Variants in CPEB3 observed in about 807,000 individuals in gnomAD.
CPEB3 encodes cytoplasmic polyadenylation element binding protein 3, also known as cytoplasmic polyadenylation element-binding protein 3.
Under a neutral mutation model 67.2 loss-of-function variants are expected in CPEB3, and 20 were observed. The ratio of observed to expected loss-of-function variants is 0.30; its 90% confidence interval spans 0.21 to 0.43. CPEB3 has a LOEUF of 0.43. CPEB3 is among the 20% of genes least tolerant of loss of function. CPEB3 has a pLI of 1.00. For synonymous variants in CPEB3, 376 were observed against 393.1 expected (o/e 0.96, Z 0.51); for missense variants, 746 against 968.6 (o/e 0.77, Z 3.05).
chr10:92,190,598 C>G (rs141830407), intron 3 of CPEB3, among the ~76,000 whole-genome samples: 35 of 137,450 alleles, frequency 2.5e-4, no homozygotes, highest in South Asian at 7.2e-4. Context: ...CCATGAGGCA[C>G]ACGTTGTGGT....
intron 6 of CPEB3, among the ~76,000 whole-genome samples, chr10:92,122,577 G>C (rs1259254739): frequency 2.0e-5 from 3 of 152,192 alleles, no homozygotes; most frequent in African/African-American, 7.2e-5. Context: ...TTGTTCTTAA[G>C]GAGTTTATAT....
At chr10:92,273,514 A>G (rs1853391632) in intron 1 of CPEB3, among the ~76,000 whole-genome samples, 1 of 152,152 alleles carries the variant, frequency 6.6e-6, no homozygotes, top group Non-Finnish European at 1.5e-5. Flanking sequence ...GAGGAAGACT[A>G]CTTATGCTGA....
At chr10:92,133,811 T>G (rs969845099) in intron 6 of CPEB3, among the ~76,000 whole-genome samples, 3 of 152,272 alleles carry the variant, frequency 2.0e-5, no homozygotes, top group Middle Eastern at 3.4e-3. Flanking sequence ...AAAAAGCTTA[T>G]CCACCATGAT....
intron 3 of CPEB3, among the ~76,000 whole-genome samples, chr10:92,186,096 G>A (rs1848675793): frequency 6.6e-6 from 1 of 151,562 alleles, no homozygotes; most frequent in African/African-American, 2.4e-5. Context: ...CCAGCCTGGT[G>A]TGCACTGGTT....
intron 9 of CPEB3, among the ~76,000 whole-genome samples, chr10:92,081,027 G>A (rs899640585): frequency 2.0e-5 from 3 of 152,148 alleles, no homozygotes; most frequent in African/African-American, 7.2e-5. Context: ...CTCCACCTCT[G>A]CTAACATACT....
At chr10:92,192,340 A>T in intron 3 of CPEB3, 137 bp downstream of exon 3, 3 of 797,654 alleles carry the variant, frequency 3.8e-6, no homozygotes, top group Non-Finnish European at 5.9e-6. Flanking sequence ...AATCAACTTT[A>T]AATACATTCC....
intron 4 of CPEB3, among the ~76,000 whole-genome samples, chr10:92,180,636 G>A (rs1005196774): frequency 6.6e-6 from 1 of 152,214 alleles, no homozygotes; most frequent in East Asian, 1.9e-4. Context: ...CAGAGCTATA[G>A]TTTGCCAACC....
intron 6 of CPEB3, among the ~76,000 whole-genome samples, chr10:92,125,523 G>C (rs1845571841): frequency 6.6e-6 from 1 of 152,174 alleles, no homozygotes; most frequent in African/African-American, 2.4e-5. Context: ...GCAGTATCAG[G>C]ATCAGCTGTT....
chr10:92,183,308 G>A (rs1200001195), intron 3 of CPEB3, among the ~76,000 whole-genome samples: 4 of 151,986 alleles, frequency 2.6e-5, no homozygotes, highest in Admixed American at 1.3e-4. Context: ...ATTGTTCTAC[G>A]TGCCTTACGT....
intron 7 of CPEB3, among the ~76,000 whole-genome samples, chr10:92,110,304 G>C (rs886894237): frequency 6.6e-6 from 1 of 152,036 alleles, no homozygotes; most frequent in South Asian, 2.1e-4. Flanking sequence ...TACTCTATTT[G>C]CCACATCTAG....
chr10:92,256,542 C>A (rs552886525), intron 1 of CPEB3, among the ~76,000 whole-genome samples: 1 of 152,174 alleles, frequency 6.6e-6, no homozygotes, highest in Middle Eastern at 3.4e-3. Context: ...GCACGTGCCA[C>A]CACACCCAGC....
chr10:92,200,954 G>A (rs1449729844), intron 2 of CPEB3, among the ~76,000 whole-genome samples: 2 of 152,198 alleles, frequency 1.3e-5, no homozygotes. Flanking sequence ...GGATTCAGCA[G>A]GGTAAATGCT....
intron 1 of CPEB3, among the ~76,000 whole-genome samples, chr10:92,263,238 G>C (rs1852890697): frequency 6.6e-6 from 1 of 152,178 alleles, no homozygotes; most frequent in Non-Finnish European, 1.5e-5. Flanking sequence ...ACCACACCTG[G>C]CAAATTTTTG....
intron 9 of CPEB3, among the ~76,000 whole-genome samples, chr10:92,052,834 C>T (rs199504365): frequency 1.8e-4 from 28 of 152,128 alleles, no homozygotes; most frequent in African/African-American, 6.3e-4. Context: ...TCCTGAAAGC[C>T]GGGCAGCATC....
At chr10:92,227,838 G>A (rs574174710) in intron 2 of CPEB3, among the ~76,000 whole-genome samples, 23 of 151,654 alleles carry the variant, frequency 1.5e-4, no homozygotes, top group Admixed American at 1.2e-3. Context: ...TGATCCACCC[G>A]CCTTGGCCTC....
intron 2 of CPEB3, chr10:92,216,840 T>G: frequency 6.4e-7 from 1 of 1,574,346 alleles, no homozygotes; most frequent in Admixed American, 1.7e-5. Context: ...GCTACTGGGC[T>G]GACGGCAGGA....
Position 92,081,463 on chromosome 10 carries a change from C to T in CPEB3, c.1726G>A (p.Val576Ile). ...TCCGTATCAATGCCAGCATAGCAGA[C>T]ACCACCGTACAAACGGTCCATGATC... Reference protein sequence around the residue: ...AMIMDRLYGGVCYAGIDTDPE... With the variant: ...AMIMDRLYGGICYAGIDTDPE... The change falls in exon 9 of 10, where the codon GTC (valine) becomes ATC (isoleucine). Residue 576 changes from valine to isoleucine, a missense_variant. Coordinates refer to ENST00000265997, the MANE Select transcript of CPEB3 (RefSeq NM_014912.5). The T allele has an allele frequency of 6.2e-6, 10 of 1,613,888 alleles. No individual in the cohort carries two copies. The African/African-American group carries it at 6.7e-5, about 11-fold the overall frequency.
At chr10:92,139,434 A>T (rs1846283497) in intron 6 of CPEB3, among the ~76,000 whole-genome samples, 1 of 152,088 alleles carries the variant, frequency 6.6e-6, no homozygotes, top group Admixed American at 6.6e-5. Flanking sequence ...GCACAGAAAG[A>T]CAAACTTCCC....
intron 4 of CPEB3, among the ~76,000 whole-genome samples, chr10:92,168,809 T>C (rs1465604482): frequency 6.6e-6 from 1 of 150,926 alleles, no homozygotes; most frequent in Non-Finnish European, 1.5e-5. Context: ...TTTTTTTTTT[T>C]TTTGAGATGG....
Sources: gnomAD v4.1 joint callset for allele counts (sites outside exome capture counted in the v4.1 genomes callset) on GRCh38, gnomAD v4.1.1 for gene constraint, MANE v1.5 for transcripts, NCBI Gene and HGNC (gene_info 2026-07-23, HGNC 2026-07-21) for gene names.